MYT1L: variants seen among roughly 807,000 people sequenced by gnomAD.
The protein encoded by MYT1L is myelin transcription factor 1 like, also known as myelin transcription factor 1-like protein.
Under a neutral mutation model 126.7 loss-of-function variants are expected in MYT1L, and 12 were observed. That is an observed-to-expected ratio of 0.09 (90% CI 0.06 to 0.15). The LOEUF is 0.15. Ranked by LOEUF, MYT1L falls within the 10% of genes least tolerant of loss-of-function variation. The pLI, the probability that MYT1L is intolerant of heterozygous loss-of-function variation, is 1.00. For missense variants in MYT1L, 979 were observed against 1,585.2 expected, an observed-to-expected ratio of 0.62 and a Z score of 6.49; for synonymous variants, 541 against 604.2, an observed-to-expected ratio of 0.90 and a Z score of 1.53.
chr2:1,871,396 C>T (rs533625000), intron 18 of MYT1L, among the ~76,000 whole-genome samples: 5 of 152,318 alleles, frequency 3.3e-5, no homozygotes, highest in African/African-American at 1.2e-4. Flanking sequence ...TCCTCAGTTC[C>T]CTGGCCTGGA....
At chr2:1,923,412 G>T (rs914671238) in intron 9 of MYT1L, 149 bp from the exon 10 acceptor site, 23 of 674,518 alleles carry the variant, frequency 3.4e-5, no homozygotes, top group South Asian at 6.4e-5. Context: ...TTGCAGCTGG[G>T]TTGAAAAAGT....
intron 3 of MYT1L, among the ~76,000 whole-genome samples, chr2:2,089,449 T>C (rs2076686467): frequency 6.6e-6 from 1 of 152,174 alleles, no homozygotes; most frequent in Admixed American, 6.5e-5. Context: ...TCTTTCCTAA[T>C]AAAGCTACAC....
chr2:2,021,943 C>T (rs2149834730), intron 4 of MYT1L, among the ~76,000 whole-genome samples: 1 of 152,204 alleles, frequency 6.6e-6, no homozygotes, highest in South Asian at 2.1e-4. Context: ...CCACTGTGAC[C>T]AAGACATCAT....
chr2:1,862,480 G>T (rs914469221), intron 18 of MYT1L, among the ~76,000 whole-genome samples: 1 of 152,134 alleles, frequency 6.6e-6, no homozygotes, highest in Non-Finnish European at 1.5e-5. Flanking sequence ...GTGATCTATG[G>T]GGTGAGTTCA....
Position 1,943,430 on chromosome 2 carries a change from T to G in MYT1L, c.153-96A>C. ...AGACCAATGGGGGCCTTGATCAAGGTACTTAAAGGCTTATCATGAATGTCA... is the reference window on the plus strand; with the variant it reads ...AGACCAATGGGGGCCTTGATCAAGGGACTTAAAGGCTTATCATGAATGTCA... On this transcript the variant is annotated intron_variant, in intron 8 of 24. Coordinates refer to ENST00000647738, the MANE Select transcript of MYT1L (RefSeq NM_001303052.2). The surrounding 1 kb of genome is among the most constrained non-coding windows in gnomAD (Gnocchi z 4.4). The G allele has an allele frequency of 1.5e-6, 2 of 1,345,250 alleles. No homozygotes were observed. Among genetic ancestry groups the G allele is most frequent in the Non-Finnish European group, 2.0e-6 (2 of 1,014,596 alleles). 83.3% of individuals were successfully genotyped at this position (1,345,250 alleles called of 1,614,324 possible).
At chr2:2,014,515 A>G (rs116513494) in intron 4 of MYT1L, among the ~76,000 whole-genome samples, 115 of 152,262 alleles carry the variant, frequency 7.6e-4, no homozygotes, top group African/African-American at 2.6e-3. Flanking sequence ...ATGGAAGGTG[A>G]GGAGGTGTTT....
At chr2:2,303,074 AAAC>A (rs1476375525) in intron 1 of MYT1L, among the ~76,000 whole-genome samples, 6 of 152,218 alleles carry the variant, frequency 3.9e-5, no homozygotes, top group African/African-American at 7.2e-5. Flanking sequence ...ATGGGAAAAA[AAAC>A]AACAAGAATA....
At chr2:2,251,838 AAAGG>A (rs1210336481) in intron 2 of MYT1L, among the ~76,000 whole-genome samples, 80 of 152,036 alleles carry the variant, frequency 5.3e-4, no homozygotes, top group Non-Finnish European at 9.6e-4. Flanking sequence ...AAAGAAAAAA[AAAGG>A]AAGGAAGGAA....
chr2:2,114,200 A>C (rs1449348848), intron 3 of MYT1L, among the ~76,000 whole-genome samples: 3 of 152,242 alleles, frequency 2.0e-5, no homozygotes, highest in African/African-American at 7.2e-5. Flanking sequence ...TCTGACCTTC[A>C]AAATGTGGTG....
chr2:1,831,218 C>CT (rs1558684800), intron 21 of MYT1L, among the ~76,000 whole-genome samples: 1 of 149,708 alleles, frequency 6.7e-6, no homozygotes, highest in African/African-American at 2.4e-5. Context: ...CCCTGGCTCC[C>CT]CCCAGATGGA....
chr2:1,951,398 G>C (rs555123488), intron 8 of MYT1L, among the ~76,000 whole-genome samples: 44 of 152,160 alleles, frequency 2.9e-4, no homozygotes, highest in Admixed American at 9.8e-4. Context: ...CATGAGGCTG[G>C]CCCAGGAGAC....
At chr2:2,286,634 C>A (rs17039522) in intron 1 of MYT1L, among the ~76,000 whole-genome samples, 11 of 152,126 alleles carry the variant, frequency 7.2e-5, no homozygotes, top group Non-Finnish European at 1.3e-4. Flanking sequence ...TTGCCTATTG[C>A]GAGTCAATAA....
At chr2:2,276,087 G>A (rs1239215853) in intron 2 of MYT1L, among the ~76,000 whole-genome samples, 1 of 152,098 alleles carries the variant, frequency 6.6e-6, no homozygotes, top group African/African-American at 2.4e-5. Flanking sequence ...TCTGTGCCTG[G>A]ACCACCTGAT....
At chr2:1,843,758 G>A (rs1433926498) in intron 19 of MYT1L, among the ~76,000 whole-genome samples, 3 of 152,206 alleles carry the variant, frequency 2.0e-5, no homozygotes, top group Non-Finnish European at 4.4e-5. Flanking sequence ...CAGAGGCCGA[G>A]CTCCTGTAGG....
At chr2:1,867,228 G>T (rs2045693055) in intron 18 of MYT1L, among the ~76,000 whole-genome samples, 1 of 152,066 alleles carries the variant, frequency 6.6e-6, no homozygotes, top group South Asian at 2.1e-4. Context: ...CTGTCAGGGA[G>T]ACCTTGGGCG....
chr2:1,977,132 T>G (rs905069408), intron 8 of MYT1L, among the ~76,000 whole-genome samples: 1 of 152,218 alleles, frequency 6.6e-6, no homozygotes, highest in Non-Finnish European at 1.5e-5. Context: ...TTTAAAAAAT[T>G]AAGCAAAAGT....
chr2:2,024,927 C>T (rs369787833), intron 4 of MYT1L, among the ~76,000 whole-genome samples: 22 of 152,272 alleles, frequency 1.4e-4, no homozygotes, highest in Admixed American at 2.6e-4. Context: ...CGCGTGGACG[C>T]GTTCCGCCTG....
intron 3 of MYT1L, among the ~76,000 whole-genome samples, chr2:2,165,771 AT>A (rs1326822364): frequency 6.6e-6 from 1 of 151,882 alleles, no homozygotes; most frequent in Non-Finnish European, 1.5e-5. Context: ...TCTGATCTTT[AT>A]TATTGAAGAA....
At chr2:2,190,933 GCACCACCACACC>G (rs1357164935) in intron 2 of MYT1L, among the ~76,000 whole-genome samples, 2 of 152,156 alleles carry the variant, frequency 1.3e-5, no homozygotes, top group East Asian at 3.9e-4. Context: ...TTACAGGCAT[GCACCACCACACC>G]CAGGTAATTT....
Sources: allele counts gnomAD v4.1 joint callset (sites outside exome capture counted in the v4.1 genomes callset), GRCh38; gene constraint gnomAD v4.1.1; non-coding constraint Gnocchi (gnomAD v3.1); transcripts MANE v1.5; gene names NCBI Gene and HGNC (gene_info 2026-07-23, HGNC 2026-07-21).